PRAP1: variants seen among roughly 807,000 people sequenced by gnomAD.
The protein encoded by PRAP1 is proline-rich acidic protein 1.
A neutral mutation model predicts 14.6 loss-of-function variants in PRAP1; 12 were observed. The observed-to-expected ratio is 0.82, with a 90% CI of 0.53 to 1.33. The LOEUF is 1.33. Ranked by LOEUF, PRAP1 falls within the 40% of genes most tolerant of loss-of-function variation. The pLI is 0.00. For synonymous variants in PRAP1, 81 were observed against 80.3 expected (o/e 1.01, Z -0.04); for missense variants, 160 against 193.7 (o/e 0.83, Z 1.03).
rs763182862 is a variant in PRAP1, at chr10:133,347,444, A to T, written c.8+19A>T. 2 of 1,607,234 alleles carry T rather than the reference A, an allele frequency of 1.2e-6. No individual in the cohort carries two copies. Among genetic ancestry groups the T allele is most frequent in the Non-Finnish European group, 1.7e-6 (2 of 1,176,274 alleles). On this transcript the variant is annotated intron_variant, in intron 1 of 4. Coordinates refer to ENST00000433452, the MANE Select transcript of PRAP1 (RefSeq NM_145202.5). This position sits in a 1 kb window ranked among gnomAD's most constrained non-coding sequence, Gnocchi z 5.0. Reference sequence around the variant, plus strand: ...TGAGGAGGTAATGCCACCATCCCTGAGCCCCAATCCCCACCCCACCCAAAC... The same window carrying T: ...TGAGGAGGTAATGCCACCATCCCTGTGCCCCAATCCCCACCCCACCCAAAC...
At chr10:133,348,252 T>C (rs10776673) in intron 1 of PRAP1, among the ~76,000 whole-genome samples, 127,970 of 152,104 alleles carry the variant, frequency 0.84, 57,087 homozygotes, top group East Asian at 0.98. Flanking sequence ...CAAGAGCCCC[T>C]GCCCAGCATC....
chr10:133,352,565 T>A lies in PRAP1; in HGVS notation c.*125T>A. On this transcript the variant is annotated 3_prime_UTR_variant, in exon 5 of 5. Transcript: ENST00000433452. ...CAGGCCGGGCGCGGTGGCTCACCTC[T>A]GTAATCCCAGCACTTTTAGAGGCCG... The A allele has an allele frequency of 1.3e-6, 1 of 783,060 alleles. No individual in the cohort carries two copies. Among genetic ancestry groups the A allele is most frequent in the Non-Finnish European group, 2.1e-6 (1 of 486,514 alleles). 48.5% of individuals were successfully genotyped at this position (783,060 alleles called of 1,614,324 possible).
In PRAP1 at chr10:133,351,009, G is replaced by A. The variant is rs72479354; in HGVS notation, c.76-372G>A. ...CTCTCGGCACCAGCCAGGAAGGGGT[G>A]GTGCAGACACAGACCCAACCAGTCA... On this transcript the variant is annotated intron_variant, in intron 2 of 4. Transcript: ENST00000433452. The surrounding 1 kb of genome is among the most constrained non-coding windows in gnomAD (Gnocchi z 4.3). 2.6e-5 allele frequency among the ~76,000 whole-genome samples: 4 copies of A among 152,192 alleles called. No homozygotes were observed. In the East Asian group the frequency reaches 7.7e-4, roughly 29 times the overall value.
In PRAP1 at chr10:133,351,971, C is replaced by A; in HGVS notation, c.129-36C>A. On this transcript the variant is annotated intron_variant, in intron 3 of 4. Transcript: ENST00000433452. The surrounding 1 kb of genome is among the most constrained non-coding windows in gnomAD (Gnocchi z 4.3). Reference sequence around the variant, plus strand: ...TGCGGGGGGTTCTGTCCACCTCCCCCACCTGCATGTGGACCTGACCAAACT... The same window carrying A: ...TGCGGGGGGTTCTGTCCACCTCCCCAACCTGCATGTGGACCTGACCAAACT... The A allele has an allele frequency of 1.2e-6, 2 of 1,606,006 alleles. No homozygotes were observed. Among genetic ancestry groups the A allele is most frequent in the Non-Finnish European group, 1.7e-6 (2 of 1,177,774 alleles).
intron 1 of PRAP1, among the ~76,000 whole-genome samples, chr10:133,349,398 GCA>G (rs1848641131): frequency 6.6e-6 from 1 of 151,604 alleles, no homozygotes; most frequent in Admixed American, 6.6e-5. Context: ...ACACACTGAA[GCA>G]CACAGTGCAC....
chr10:133,351,236 G>C lies in PRAP1; in HGVS notation c.76-145G>C. 1 of 552,488 alleles carries C rather than the reference G, an allele frequency of 1.8e-6. No individual in the cohort carries two copies. The highest frequency in any genetic ancestry group is 3.0e-5 in the East Asian group (1 of 33,736). 34.2% of individuals were successfully genotyped at this position (552,488 alleles called of 1,614,324 possible). ...AGTGGCTTGCCCACTAGAGACGCTC[G>C]AGCTGTGCTGAGCTGGCCCTGCCCC... On this transcript the variant is annotated intron_variant, in intron 2 of 4. Transcript: ENST00000433452. The surrounding 1 kb of genome is among the most constrained non-coding windows in gnomAD (Gnocchi z 4.3).
Position 133,352,627 on chromosome 10 carries a change from C to G in PRAP1, c.*187C>G, listed in dbSNP as rs1589868798. The G allele has an allele frequency of 1.1e-5, 6 of 568,802 alleles. No homozygotes were observed. The East Asian group carries it at 1.5e-4, about 14-fold the overall frequency. The allele number at this position is 568,802 out of a possible 1,614,324, so 35.2% of individuals were successfully genotyped here. A position where few individuals can be genotyped will look rare whatever the true frequency, so the allele number is the denominator to read the frequency against. On this transcript the variant is annotated 3_prime_UTR_variant, in exon 5 of 5. Coordinates refer to ENST00000433452, the MANE Select transcript of PRAP1 (RefSeq NM_145202.5). The stretch of plus-strand genomic sequence containing the variant: ...TCACCTGAAATCAGGAGTTCCAGAC[C>G]AGCCTGGGCAACATGGTGAAACCCC...
Position 133,351,437 on chromosome 10 carries a change from A to T in PRAP1, c.128+4A>T. The stretch of plus-strand genomic sequence containing the variant: ...CCTCAGAGCAGGACCCAGAGAAGTA[A>T]GTCCCCCCAACCCCACCTCCCCACC... On this transcript the variant is annotated splice_donor_region_variant and intron_variant, in intron 3 of 4. Transcript: ENST00000433452. This position sits in a 1 kb window ranked among gnomAD's most constrained non-coding sequence, Gnocchi z 4.3. The T allele has an allele frequency of 6.2e-7, 1 of 1,604,496 alleles. No individual in the cohort carries two copies. Among genetic ancestry groups the T allele is most frequent in the Non-Finnish European group, 8.5e-7 (1 of 1,174,994 alleles).
At chr10:133,348,512 GT>G (rs60522030) in intron 1 of PRAP1, among the ~76,000 whole-genome samples, 12,127 of 143,438 alleles carry the variant, frequency 0.085, 1,138 homozygotes, top group African/African-American at 0.24. Flanking sequence ...GCTAAGTTTT[GT>G]TTTTTTTTTT....
At position 133,351,520 on chromosome 10, in the gene PRAP1, C is replaced by A; in HGVS notation, c.128+87C>A. ...GGGCCCTTCCTGAACCTGGAGAGCA[C>A]GGGGCAGATGCAGAGAGGAGCCCTG... is the stretch of plus-strand genomic sequence containing the variant. On this transcript the variant is annotated intron_variant, in intron 3 of 4. Transcript: ENST00000433452. This position sits in a 1 kb window ranked among gnomAD's most constrained non-coding sequence, Gnocchi z 4.3. 1 of 1,069,178 alleles carries A rather than the reference C, an allele frequency of 9.4e-7. No homozygotes were observed. The allele number at this position is 1,069,178 out of a possible 1,614,324, so 66.2% of individuals were successfully genotyped here. A position where few individuals can be genotyped will look rare whatever the true frequency, so the allele number is the denominator to read the frequency against.
chr10:133,348,160 C>T (rs1369799621), intron 1 of PRAP1, among the ~76,000 whole-genome samples: 1 of 152,228 alleles, frequency 6.6e-6, no homozygotes, highest in African/African-American at 2.4e-5. Context: ...GAATCCCAGG[C>T]CCCCAGGCTG....
In PRAP1 at chr10:133,347,462, A is replaced by C; in HGVS notation, c.8+37A>C. ...ATCCCTGAGCCCCAATCCCCACCCC[A>C]CCCAAACCTGGAGGCCTGGCCCTTA... is the stretch of plus-strand genomic sequence containing the variant. On this transcript the variant is annotated intron_variant, in intron 1 of 4. Transcript: ENST00000433452. This position sits in a 1 kb window ranked among gnomAD's most constrained non-coding sequence, Gnocchi z 5.0. 6.3e-7 allele frequency: 1 copy of C among 1,591,262 alleles called. No individual in the cohort carries two copies. Among genetic ancestry groups the C allele is most frequent in the Non-Finnish European group, 8.6e-7 (1 of 1,167,688 alleles).
In PRAP1 at chr10:133,351,541, C is replaced by A; in HGVS notation, c.128+108C>A. Reference sequence around the variant, plus strand: ...AGCACGGGGCAGATGCAGAGAGGAGCCCTGTCCAGCAGCTTTTGGAAGGAG... The same window carrying A: ...AGCACGGGGCAGATGCAGAGAGGAGACCTGTCCAGCAGCTTTTGGAAGGAG... On this transcript the variant is annotated intron_variant, in intron 3 of 4. Coordinates refer to ENST00000433452, the MANE Select transcript of PRAP1 (RefSeq NM_145202.5). The surrounding 1 kb of genome is among the most constrained non-coding windows in gnomAD (Gnocchi z 4.3). 1.2e-6 allele frequency: 1 copy of A among 857,002 alleles called. No homozygotes were observed. The highest frequency in any genetic ancestry group is 1.8e-6 in the Non-Finnish European group (1 of 542,114). The allele number at this position is 857,002 out of a possible 1,614,324, so 53.1% of individuals were successfully genotyped here.
At chr10:133,350,989 G>A (rs373715293) in intron 2 of PRAP1, among the ~76,000 whole-genome samples, 1 of 152,080 alleles carries the variant, frequency 6.6e-6, no homozygotes, top group Non-Finnish European at 1.5e-5. Flanking sequence ...GCGTTCTCTC[G>A]GCACCAGCCA....
rs140360205 is a variant in PRAP1 at position 133,352,111 on chromosome 10, G to C, written c.233G>C (p.Arg78Pro). The C allele has an allele frequency of 5.0e-6, 8 of 1,613,064 alleles. No homozygotes were observed. In the Admixed American group the frequency reaches 1.2e-4, roughly 24 times the overall value. ...CTCTTGACCACCGAGGAGAAGCCACGAGGTCAGGGCAGGGGCCCCATCCTT... is the reference window on the plus strand; with the variant it reads ...CTCTTGACCACCGAGGAGAAGCCACCAGGTCAGGGCAGGGGCCCCATCCTT... ...PKLLTTEEKP[R>P]GQGRGPILPG... Residue 78 changes from arginine (R) to proline (P), a missense_variant, in exon 4 of 5, where the codon CGA (arginine) becomes CCA (proline). Arg to Pro is a moderately radical substitution (Grantham distance 103). Transcript: ENST00000433452.
chr10:133,348,806 C>T (rs1191636228), intron 1 of PRAP1, among the ~76,000 whole-genome samples: 4 of 151,570 alleles, frequency 2.6e-5, no homozygotes, highest in African/African-American at 9.7e-5. Flanking sequence ...GGATTACAGG[C>T]GTGAGTCACC....
In PRAP1 at chr10:133,351,679, C is replaced by G. The variant is rs4838726; in HGVS notation, c.128+246C>G. Among the ~76,000 whole-genome samples, 127,709 of 152,238 alleles carry G rather than the reference C, an allele frequency of 0.84. 56,957 individuals carry two copies. Among genetic ancestry groups the G allele is most frequent in the East Asian group, 0.98 (5,089 of 5,174 alleles). On this transcript the variant is annotated intron_variant, in intron 3 of 4. Coordinates refer to ENST00000433452, the MANE Select transcript of PRAP1 (RefSeq NM_145202.5). This position sits in a 1 kb window ranked among gnomAD's most constrained non-coding sequence, Gnocchi z 4.3. The stretch of plus-strand genomic sequence containing the variant: ...TCTCCCTACTCAGCTTCCCCACAGC[C>G]TCCAGGGCAGCTTGTGCTCCACGGC...
At position 133,351,854 on chromosome 10, in the gene PRAP1, G is replaced by A; in HGVS notation, c.129-153G>A. 2 of 1,000,626 alleles carry A rather than the reference G, an allele frequency of 2.0e-6. No homozygotes were observed. Among genetic ancestry groups the A allele is most frequent in the Non-Finnish European group, 2.9e-6 (2 of 688,772 alleles). 62.0% of individuals were successfully genotyped at this position (1,000,626 alleles called of 1,614,324 possible). On this transcript the variant is annotated intron_variant, in intron 3 of 4. Transcript: ENST00000433452. This position sits in a 1 kb window ranked among gnomAD's most constrained non-coding sequence, Gnocchi z 4.3. ...GGAAGCCTGGCCGGGAGCACTGGGG[G>A]CCACTCATCACTGGCTCTTGAGAGA... is the stretch of plus-strand genomic sequence containing the variant.
rs1467827831 is a variant in PRAP1, at chr10:133,347,590, ACCAGGCTCTACCT to A, written c.8+168_8+180del. Among the ~76,000 whole-genome samples the A allele has an allele frequency of 6.6e-6, 1 of 152,206 alleles. No individual in the cohort carries two copies. Among genetic ancestry groups the A allele is most frequent in the Non-Finnish European group, 1.5e-5 (1 of 68,008 alleles). On this transcript the variant is annotated intron_variant, in intron 1 of 4. Transcript: ENST00000433452. This position sits in a 1 kb window ranked among gnomAD's most constrained non-coding sequence, Gnocchi z 5.0. Reference sequence around the variant, plus strand: ...GCCCTCTGAGGGTCTGGGGTCTGCCACCAGGCTCTACCTCCTCTGTGGCCCCGAGTGCACTTGC... The same window carrying A: ...GCCCTCTGAGGGTCTGGGGTCTGCCACCTCTGTGGCCCCGAGTGCACTTGC...
Sources: allele counts gnomAD v4.1 joint callset (sites outside exome capture counted in the v4.1 genomes callset), GRCh38; gene constraint gnomAD v4.1.1; non-coding constraint Gnocchi (gnomAD v3.1); transcripts MANE v1.5; gene names NCBI Gene and HGNC (gene_info 2026-07-23, HGNC 2026-07-21).